The following ADCY8 variants were observed in gnomAD, a reference collection of about 807,000 sequenced individuals.
ADCY8 encodes the protein adenylate cyclase 8.
ADCY8 carries 51 observed loss-of-function variants against 119.7 expected under a neutral mutation model. The ratio of observed to expected loss-of-function variants is 0.43; its 90% CI spans 0.34 to 0.54. The LOEUF (loss-of-function observed/expected upper bound fraction) is 0.54. Among genes scored for constraint, ADCY8 ranks in the 20% least tolerant of loss-of-function variants. ADCY8 has a pLI of 0.03. For synonymous variants in ADCY8, 665 were observed against 651.0 expected, an observed-to-expected ratio of 1.02 and a Z score of -0.33; for missense variants, 1,383 against 1,598.8, an observed-to-expected ratio of 0.87 and a Z score of 2.30.
At chr8:131,009,941 G>A (rs891967169) in intron 1 of ADCY8, among the ~76,000 whole-genome samples, 1 of 152,186 alleles carries the variant, frequency 6.6e-6, no homozygotes, top group African/African-American at 2.4e-5. Context: ...GGTTGGGGAA[G>A]CAAGGAGAGA....
chr8:130,884,239 G>T (rs11779887), intron 8 of ADCY8, among the ~76,000 whole-genome samples: 55,082 of 151,988 alleles, frequency 0.36, 10,771 homozygotes, highest in East Asian at 0.65. Context: ...AAAAGCAAAG[G>T]TAAGTGGCTG....
chr8:130,840,467 T>C (rs1817105601), intron 11 of ADCY8, among the ~76,000 whole-genome samples: 1 of 151,738 alleles, frequency 6.6e-6, no homozygotes, highest in African/African-American at 2.4e-5. Context: ...AAGAAACATG[T>C]GCCCGAAGAA....
intron 1 of ADCY8, among the ~76,000 whole-genome samples, chr8:131,003,123 C>T (rs1186066954): frequency 6.6e-6 from 1 of 151,512 alleles, no homozygotes; most frequent in Non-Finnish European, 1.5e-5. Flanking sequence ...ATTGCTTGAA[C>T]CCAGGAGGTA....
intron 7 of ADCY8, among the ~76,000 whole-genome samples, chr8:130,889,391 A>G (rs551452224): frequency 1.2e-4 from 19 of 152,272 alleles, no homozygotes; most frequent in African/African-American, 4.3e-4. Context: ...TTATTGAGAT[A>G]AAGGCACTGA....
chr8:130,890,190 G>A (rs941910011), intron 7 of ADCY8, among the ~76,000 whole-genome samples: 3 of 148,244 alleles, frequency 2.0e-5, no homozygotes, highest in South Asian at 2.2e-4. Flanking sequence ...ATCACACACC[G>A]GGGCCTGTTG....
chr8:130,875,260 C>G (rs748853680), intron 8 of ADCY8, among the ~76,000 whole-genome samples: 1 of 152,146 alleles, frequency 6.6e-6, no homozygotes, highest in Non-Finnish European at 1.5e-5. Context: ...CTCTTTGAAA[C>G]CTGTCCTTCA....
At chr8:131,016,744 G>A (rs1823486736) in intron 1 of ADCY8, among the ~76,000 whole-genome samples, 1 of 152,080 alleles carries the variant, frequency 6.6e-6, no homozygotes, top group African/African-American at 2.4e-5. Context: ...AAGGTGTAGG[G>A]CCAGAGGCAG....
intron 9 of ADCY8, among the ~76,000 whole-genome samples, chr8:130,856,313 C>A (rs1439958211): frequency 6.6e-6 from 1 of 151,948 alleles, no homozygotes; most frequent in Non-Finnish European, 1.5e-5. Context: ...TGGCAGAGAC[C>A]CTGACTGTAT....
intron 7 of ADCY8, among the ~76,000 whole-genome samples, chr8:130,897,045 T>C (rs942739620): frequency 6.6e-6 from 1 of 152,254 alleles, no homozygotes; most frequent in Non-Finnish European, 1.5e-5. Context: ...GGTCTCTTAG[T>C]AGCAACTGGA....
At chr8:131,016,116 A>G (rs1823466989) in intron 1 of ADCY8, among the ~76,000 whole-genome samples, 1 of 152,224 alleles carries the variant, frequency 6.6e-6, no homozygotes, top group South Asian at 2.1e-4. Flanking sequence ...ACTTAAATAA[A>G]TAAATTATCT....
chr8:130,990,344 A>C (rs753457458), intron 2 of ADCY8, 49 bp downstream of exon 2: 2 of 1,594,332 alleles, frequency 1.3e-6, no homozygotes, highest in Non-Finnish European at 1.7e-6. Context: ...CATATAATTT[A>C]GAGACTGGCT....
intron 5 of ADCY8, among the ~76,000 whole-genome samples, chr8:130,920,544 G>A (rs973291762): frequency 9.2e-5 from 14 of 152,166 alleles, no homozygotes; most frequent in African/African-American, 2.7e-4. Context: ...AAGTAATTGC[G>A]GTTTTTGCCA....
At chr8:130,821,305 C>T in intron 13 of ADCY8, 37 bp downstream of exon 13, 1 of 1,564,706 alleles carries the variant, frequency 6.4e-7, no homozygotes, top group Non-Finnish European at 8.8e-7. Flanking sequence ...CAAGAAATGT[C>T]AGGTAACAGA....
intron 1 of ADCY8, among the ~76,000 whole-genome samples, chr8:131,009,301 C>G (rs1387564369): frequency 6.6e-6 from 1 of 152,190 alleles, no homozygotes; most frequent in African/African-American, 2.4e-5. Context: ...ACTTGGCGCT[C>G]TGAGCCCCAG....
At chr8:130,974,891 C>A (rs565024857) in intron 2 of ADCY8, among the ~76,000 whole-genome samples, 1 of 152,296 alleles carries the variant, frequency 6.6e-6, no homozygotes, top group South Asian at 2.1e-4. Flanking sequence ...TGTCTAGTCA[C>A]AAGTTTTGTG....
rs115586208 is a variant in ADCY8 at position 130,786,418 on chromosome 8, C to G, written c.3061-943G>C. 7.3e-3 allele frequency among the ~76,000 whole-genome samples: 1,116 copies of G among 152,284 alleles called. 13 individuals are homozygous for G. The highest frequency in any genetic ancestry group is 0.026 in the African/African-American group (1,060 of 41,550). On this transcript the variant is annotated intron_variant, in intron 15 of 17. Coordinates refer to ENST00000286355, the MANE Select transcript of ADCY8 (RefSeq NM_001115.3). ...AATAATGCTTCCTGAACCCAGGCCCCAAAGATGCCTGTGTCTTAATTCCTG... is the reference window on the plus strand; with the variant it reads ...AATAATGCTTCCTGAACCCAGGCCCGAAAGATGCCTGTGTCTTAATTCCTG...
chr8:131,003,710 T>A (rs2130766983), intron 1 of ADCY8, among the ~76,000 whole-genome samples: 1 of 152,110 alleles, frequency 6.6e-6, no homozygotes, highest in East Asian at 1.9e-4. Flanking sequence ...GGTACTAGGG[T>A]GATTGACTGT....
At chr8:130,979,162 T>C (rs1200254699) in intron 2 of ADCY8, among the ~76,000 whole-genome samples, 4 of 152,154 alleles carry the variant, frequency 2.6e-5, no homozygotes, top group Non-Finnish European at 5.9e-5. Context: ...TAAAATCCCA[T>C]GTGAGAAGGG....
intron 1 of ADCY8, among the ~76,000 whole-genome samples, chr8:131,017,688 C>T (rs1166710482): frequency 6.6e-6 from 1 of 152,176 alleles, no homozygotes; most frequent in Admixed American, 6.5e-5. Flanking sequence ...GTCCCCACCA[C>T]CTGCAAGGGG....
Sources: allele counts gnomAD v4.1 joint callset (sites outside exome capture counted in the v4.1 genomes callset), GRCh38; gene constraint gnomAD v4.1.1; transcripts MANE v1.5; gene names NCBI Gene and HGNC (gene_info 2026-07-23, HGNC 2026-07-21).